The following ACTN2 variants were observed in gnomAD, a reference collection of about 807,000 sequenced individuals.
The protein encoded by ACTN2 is alpha-actinin-2.
Under a neutral mutation model 113.8 loss-of-function variants are expected in ACTN2, and 39 were observed. That is an observed-to-expected ratio of 0.34 (90% confidence interval 0.27 to 0.45). The LOEUF is 0.45. ACTN2 is among the 20% of genes least tolerant of loss of function. ACTN2 has a pLI of 1.00. For missense variants in ACTN2, 992 were observed against 1,177.9 expected (o/e 0.84, Z 2.31); for synonymous variants, 429 against 444.1 (o/e 0.97, Z 0.43).
Position 236,747,737 on chromosome 1 carries a change from C to T in ACTN2, c.1477C>T (p.Leu493=). 1.2e-6 allele frequency: 2 copies of T among 1,614,148 alleles called. No individual in the cohort carries two copies. The highest frequency in any genetic ancestry group is 1.7e-6 in the Non-Finnish European group (2 of 1,179,984). The change falls in exon 13 of 21, where the codon CTG becomes TTG. Residue 493 remains leucine (L), a synonymous_variant. Transcript: ENST00000366578. ...GAAAATTTGTGACCAGTGGGACCGA[C>T]TGGGAACGCTTACTCAGAAGAGGAG... The part of the protein sequence containing the change: ...CQKICDQWDR[L]GTLTQKRREA...
intron 4 of ACTN2, among the ~76,000 whole-genome samples, chr1:236,720,614 T>A (rs1250175554): frequency 6.6e-6 from 1 of 152,180 alleles, no homozygotes; most frequent in East Asian, 1.9e-4. Flanking sequence ...CCTCTCTTTT[T>A]CTTTTTTCTT....
chr1:236,759,600 G>T (rs1659647386), intron 18 of ACTN2, 124 bp from the exon 19 acceptor site: 8 of 790,608 alleles, frequency 1.0e-5, no homozygotes, highest in Non-Finnish European at 1.6e-5. Context: ...CAAGTCAGTG[G>T]TGACATTTAC....
In ACTN2 at chr1:236,742,914, C is replaced by T; in HGVS notation, c.1126C>T (p.Gln376Ter). 1 of 1,614,188 alleles carries T rather than the reference C, an allele frequency of 6.2e-7. No homozygotes were observed. Among genetic ancestry groups the T allele is most frequent in the East Asian group, 2.2e-5 (1 of 44,882 alleles). The change falls in exon 11 of 21, where the codon CAG (glutamine) becomes TAG (stop). Residue 376 changes from glutamine to a stop codon, truncating the protein, a stop_gained. Coordinates refer to ENST00000366578, the MANE Select transcript of ACTN2 (RefSeq NM_001103.4). LOFTEE classifies it high-confidence loss of function. The stretch of plus-strand genomic sequence containing the variant: ...ATCCCAGGATATTGCTGGTGCCTGG[C>T]AGAGGCTGGAGCAGGCTGAGAAGGG... ...KMVSDIAGAW[Q>*]RLEQAEKGYE...
chr1:236,705,084 G>C (rs1238106703), intron 1 of ACTN2, among the ~76,000 whole-genome samples: 1 of 152,146 alleles, frequency 6.6e-6, no homozygotes, highest in Non-Finnish European at 1.5e-5. Context: ...TCCCTCCAGG[G>C]AAAGCCTGCT....
intron 10 of ACTN2, among the ~76,000 whole-genome samples, chr1:236,741,092 T>A (rs2102924865): frequency 6.6e-6 from 1 of 152,306 alleles, no homozygotes; most frequent in African/African-American, 2.4e-5. Flanking sequence ...TCACCCAGAT[T>A]GGAGTGCAGT....
At chr1:236,724,290 C>T (rs887608526) in intron 4 of ACTN2, among the ~76,000 whole-genome samples, 1 of 152,180 alleles carries the variant, frequency 6.6e-6, no homozygotes, top group African/African-American at 2.4e-5. Flanking sequence ...CTCATCTCAC[C>T]CTAAGCACCT....
At chr1:236,711,243 T>C (rs927427543) in intron 1 of ACTN2, among the ~76,000 whole-genome samples, 1 of 152,238 alleles carries the variant, frequency 6.6e-6, no homozygotes, top group Non-Finnish European at 1.5e-5. Flanking sequence ...ATATACATAG[T>C]GAGACTGTCT....
At chr1:236,725,843 C>T (rs1658534640) in intron 4 of ACTN2, 90 bp from the exon 5 acceptor site, 3 of 1,166,024 alleles carry the variant, frequency 2.6e-6, no homozygotes, top group Admixed American at 1.7e-5. Context: ...GGTGATCGAC[C>T]CCCTGGGAGG....
chr1:236,730,272 T>A (rs935167303), intron 6 of ACTN2, among the ~76,000 whole-genome samples: 24 of 17,294 alleles, frequency 1.4e-3, no homozygotes, highest in African/African-American at 2.7e-3. Context: ...AGTTAAACAC[T>A]TTTTTTTTTT....
At position 236,686,499 on chromosome 1, in the gene ACTN2, G is replaced by T. The variant is rs1440618329; in HGVS notation, c.-175G>T. On this transcript the variant is annotated 5_prime_UTR_variant, in exon 1 of 21. Coordinates refer to ENST00000366578, the MANE Select transcript of ACTN2 (RefSeq NM_001103.4). Reference sequence around the variant, plus strand: ...AGCCGCGCGGCAGCTGCTCGCAGCCGGAGCTGGTGCTTCGCCCGAGACCCA... The same window carrying T: ...AGCCGCGCGGCAGCTGCTCGCAGCCTGAGCTGGTGCTTCGCCCGAGACCCA... The T allele has an allele frequency of 2.0e-5, 11 of 547,652 alleles. No homozygotes were observed. In the Admixed American group the frequency reaches 5.3e-4, roughly 26 times the overall value. 33.9% of individuals were successfully genotyped at this position (547,652 alleles called of 1,614,324 possible).
chr1:236,731,786 A>G (rs974275891), intron 7 of ACTN2, among the ~76,000 whole-genome samples: 14 of 152,236 alleles, frequency 9.2e-5, no homozygotes, highest in African/African-American at 2.7e-4. Context: ...CCATCAGTGT[A>G]CCATCCAAAC....
intron 1 of ACTN2, among the ~76,000 whole-genome samples, chr1:236,690,483 A>G (rs1666042484): frequency 6.6e-6 from 1 of 152,248 alleles, no homozygotes; most frequent in South Asian, 2.1e-4. Context: ...CAGTTGAATC[A>G]CTAAATGTTT....
chr1:236,762,189 C>T (rs187177631), intron 20 of ACTN2, among the ~76,000 whole-genome samples: 49 of 152,156 alleles, frequency 3.2e-4, no homozygotes, highest in Admixed American at 1.8e-3. Context: ...TACGTATCCT[C>T]GCATTGTGGC....
At chr1:236,736,649 C>G in intron 8 of ACTN2, 1 of 1,532,494 alleles carries the variant, frequency 6.5e-7, no homozygotes, top group African/African-American at 1.4e-5. Context: ...AGGAGGTCTT[C>G]AGTGAATTCA....
chr1:236,758,007 A>G (rs554129226), intron 18 of ACTN2, among the ~76,000 whole-genome samples: 2 of 152,344 alleles, frequency 1.3e-5, no homozygotes, highest in South Asian at 4.1e-4. Flanking sequence ...TGTTTAGGAA[A>G]AGCATCTGGT....
At chr1:236,752,168 G>A (rs886938758) in intron 15 of ACTN2, among the ~76,000 whole-genome samples, 1 of 152,138 alleles carries the variant, frequency 6.6e-6, no homozygotes, top group Non-Finnish European at 1.5e-5. Flanking sequence ...TGGTCCAAAT[G>A]GGATAATTTG....
At chr1:236,710,671 G>A (rs1474473621) in intron 1 of ACTN2, among the ~76,000 whole-genome samples, 1 of 152,184 alleles carries the variant, frequency 6.6e-6, no homozygotes, top group Non-Finnish European at 1.5e-5. Context: ...CACAGCAGGA[G>A]GTGAGCAGCG....
At chr1:236,733,609 T>G (rs1405894411) in intron 7 of ACTN2, among the ~76,000 whole-genome samples, 5 of 152,214 alleles carry the variant, frequency 3.3e-5, no homozygotes, top group Admixed American at 2.0e-4. Flanking sequence ...AGTTCTGAAC[T>G]TGGCCACCTA....
At position 236,753,968 on chromosome 1, in the gene ACTN2, C is replaced by T. The variant is rs756407851; in HGVS notation, c.1861C>T (p.Arg621Cys). The T allele has an allele frequency of 1.9e-6, 3 of 1,614,084 alleles. No individual in the cohort carries two copies. Among genetic ancestry groups the T allele is most frequent in the South Asian group, 1.1e-5 (1 of 91,082 alleles). Residue 621 changes from arginine (R) to cysteine (C), a missense_variant, in exon 16 of 21, where the codon CGC becomes TGC. Arg to Cys is a radical substitution (Grantham distance 180). Coordinates refer to ENST00000366578, the MANE Select transcript of ACTN2 (RefSeq NM_001103.4). The stretch of plus-strand genomic sequence containing the variant: ...ACAGGTGAAGCAACTCGTGCCCATC[C>T]GCGATCAATCCCTGCAGGAGGAGCT... ...WDKVKQLVPI[R>C]DQSLQEELAR...
Sources: gnomAD v4.1 joint callset for allele counts (sites outside exome capture counted in the v4.1 genomes callset) on GRCh38, gnomAD v4.1.1 for gene constraint, MANE v1.5 for transcripts, NCBI Gene and HGNC (gene_info 2026-07-23, HGNC 2026-07-21) for gene names.